POLR3E: variants seen among roughly 807,000 people sequenced by gnomAD.
POLR3E encodes RNA polymerase III subunit E.
In POLR3E, 41 loss-of-function variants were observed where a neutral mutation model predicts 96.6. The ratio of observed to expected loss-of-function variants is 0.42; its 90% CI spans 0.33 to 0.55. The LOEUF (loss-of-function observed/expected upper bound fraction) is 0.55, where lower values mean the gene tolerates loss of function less well. Ranked by LOEUF, POLR3E falls within the 20% of genes least tolerant of loss-of-function variation. The pLI is 0.06. For synonymous variants in POLR3E, 396 were observed against 383.6 expected (o/e 1.03, Z -0.38); for missense variants, 849 against 952.1 (o/e 0.89, Z 1.43).
chr16:22,332,299 C>G (rs2048757516), intron 20 of POLR3E, 114 bp downstream of exon 20: 10 of 904,958 alleles, frequency 1.1e-5, no homozygotes, highest in Non-Finnish European at 1.7e-5. Context: ...CTTGGGACCA[C>G]TCCCCAGTCA....
At chr16:22,305,036 C>T (rs1273684672) in intron 2 of POLR3E, 120 bp from the exon 3 acceptor site, 4 of 791,222 alleles carry the variant, frequency 5.1e-6, no homozygotes, top group African/African-American at 3.4e-5. Context: ...GCTATTTCCT[C>T]CTTCCCCAAA....
chr16:22,331,324 G>C (rs2048736053), intron 19 of POLR3E: 1 of 152,084 alleles, frequency 6.6e-6, no homozygotes, highest in Non-Finnish European at 1.5e-5. Flanking sequence ...TTTCAGAGTT[G>C]TTGAAATTCC....
chr16:22,332,262 G>A, intron 20 of POLR3E, 77 bp downstream of exon 20: 1 of 1,354,812 alleles, frequency 7.4e-7, no homozygotes, highest in Non-Finnish European at 1.0e-6. Context: ...GGACTCTAGT[G>A]TCTTTGTGTA....
chr16:22,324,753 G>C, intron 16 of POLR3E, 93 bp downstream of exon 16: 1 of 1,384,868 alleles, frequency 7.2e-7, no homozygotes, highest in Non-Finnish European at 1.0e-6. Flanking sequence ...GCAATCTCTA[G>C]AAACCCCACA....
intron 12 of POLR3E, among the ~76,000 whole-genome samples, chr16:22,317,638 T>TTG (rs1567320844): frequency 2.6e-5 from 4 of 151,112 alleles, no homozygotes; most frequent in African/African-American, 9.8e-5. Flanking sequence ...CTAGGGGCTT[T>TTG]TTGTTGTTGT....
At chr16:22,330,204 C>T (rs541749957) in intron 19 of POLR3E, among the ~76,000 whole-genome samples, 62 of 152,146 alleles carry the variant, frequency 4.1e-4, no homozygotes, top group Non-Finnish European at 8.4e-4. Flanking sequence ...GCTGGGATTA[C>T]GGGCTTGTGC....
At chr16:22,314,315 C>T (rs2048311627) in intron 8 of POLR3E, among the ~76,000 whole-genome samples, 187 bp downstream of exon 8, 1 of 152,146 alleles carries the variant, frequency 6.6e-6, no homozygotes, top group African/African-American at 2.4e-5. Flanking sequence ...GAAGCCCTGG[C>T]TGGATCCAGG....
At position 22,334,497 on chromosome 16, in the gene POLR3E, G is replaced by A. The variant is rs533127528; in HGVS notation, c.*797G>A. ...GGAAGGCGATCTTGTTGGGCTCAGC[G>A]TTACGTGTATCTAGAGGGAACGGAG... is the stretch of plus-strand genomic sequence containing the variant. On this transcript the variant is annotated 3_prime_UTR_variant, in exon 21 of 21. Coordinates refer to ENST00000299853, the MANE Select transcript of POLR3E (RefSeq NM_018119.4). The A allele has an allele frequency of 3.3e-5, 5 of 152,304 alleles. No individual in the cohort carries two copies. Among genetic ancestry groups the A allele is most frequent in the East Asian group, 3.8e-4 (2 of 5,196 alleles). The allele number at this position is 152,304 out of a possible 1,614,324, so 9.4% of individuals were successfully genotyped here.
chr16:22,303,639 C>CTTTTTTTTTTT (rs58949663), intron 2 of POLR3E, among the ~76,000 whole-genome samples: 9 of 114,228 alleles, frequency 7.9e-5, no homozygotes, highest in African/African-American at 2.9e-4. Context: ...GCAGATTTCC[C>CTTTTTTTTTTT]TTTTTTTTTT....
Position 22,308,937 on chromosome 16 carries a change from A to G in POLR3E, c.178A>G (p.Met60Val). Reference sequence around the variant, plus strand: ...TTGGTGCCTCCAGGTAGAGCTTGAGATGGCCATCGACACCCTGAACCCCAA... The same window carrying G: ...TTGGTGCCTCCAGGTAGAGCTTGAGGTGGCCATCGACACCCTGAACCCCAA... The part of the protein sequence containing the change: ...KPKQQKVELE[M>V]AIDTLNPNYC... Residue 60 changes from methionine to valine, a missense_variant, in exon 5 of 21, where the codon ATG (methionine) becomes GTG (valine). By Grantham distance (21) the Met-to-Val change is conservative (BLOSUM62 1). Transcript: ENST00000299853. The G allele has an allele frequency of 6.2e-7, 1 of 1,613,064 alleles. No individual in the cohort carries two copies. The highest frequency in any genetic ancestry group is 8.5e-7 in the Non-Finnish European group (1 of 1,179,206).
chr16:22,302,238 C>A (rs2048039008), intron 1 of POLR3E, among the ~76,000 whole-genome samples: 1 of 152,168 alleles, frequency 6.6e-6, no homozygotes, highest in Admixed American at 6.6e-5. Flanking sequence ...GTACCTGTCA[C>A]CTGAGGTCAG....
intron 20 of POLR3E, 136 bp from the exon 21 acceptor site, chr16:22,333,508 G>C: frequency 1.6e-6 from 1 of 635,104 alleles, no homozygotes. Flanking sequence ...TAGCCATGGT[G>C]GTATGGTTAG....
At chr16:22,309,803 A>G in intron 6 of POLR3E, 1 of 472,528 alleles carries the variant, frequency 2.1e-6, no homozygotes, top group South Asian at 2.7e-5. Flanking sequence ...TAGGGACAGA[A>G]TTTTGTCTTT....
rs1027307333 is a variant in POLR3E at position 22,322,623 on chromosome 16, G to A, written c.987-227G>A. Among the ~76,000 whole-genome samples the A allele has an allele frequency of 2.0e-5, 3 of 152,064 alleles. No individual in the cohort carries two copies. Among genetic ancestry groups the A allele is most frequent in the Non-Finnish European group, 2.9e-5 (2 of 68,002 alleles). ...TTAGGATGAGGCTGGTGTGCATGGC[G>A]GGTTGAGGGGTAATAAGAGGAAGAA... On this transcript the variant is annotated intron_variant, in intron 13 of 20. Coordinates refer to ENST00000299853, the MANE Select transcript of POLR3E (RefSeq NM_018119.4). This position sits in a 1 kb window ranked among gnomAD's most constrained non-coding sequence, Gnocchi z 5.2.
intron 13 of POLR3E, among the ~76,000 whole-genome samples, chr16:22,321,388 A>T (rs2048468575): frequency 6.6e-6 from 1 of 152,264 alleles, no homozygotes; most frequent in South Asian, 2.1e-4. Flanking sequence ...TGTAGAGTAT[A>T]TTCGTGTTAC....
chr16:22,317,605 A>G (rs2048383604), intron 12 of POLR3E, among the ~76,000 whole-genome samples: 1 of 151,356 alleles, frequency 6.6e-6, no homozygotes, highest in Non-Finnish European at 1.5e-5. Flanking sequence ...TCTAAAGTAC[A>G]GGGCCTTGCA....
At chr16:22,300,928 C>T (rs1201125409) in intron 1 of POLR3E, among the ~76,000 whole-genome samples, 1 of 152,162 alleles carries the variant, frequency 6.6e-6, no homozygotes, top group Non-Finnish European at 1.5e-5. Flanking sequence ...ACCAAAATCT[C>T]TGCCTTCACA....
chr16:22,314,733 G>A (rs2048318871), intron 8 of POLR3E, among the ~76,000 whole-genome samples: 1 of 152,140 alleles, frequency 6.6e-6, no homozygotes. Flanking sequence ...AGCTCATCCT[G>A]TTCTCTCCGT....
At chr16:22,332,385 C>A (rs1363550677) in intron 20 of POLR3E, among the ~76,000 whole-genome samples, 200 bp downstream of exon 20, 7 of 152,132 alleles carry the variant, frequency 4.6e-5, no homozygotes, top group Non-Finnish European at 1.0e-4. Context: ...AGAGGACTGA[C>A]CCCTTCAAAC....
Sources: gnomAD v4.1 joint callset for allele counts (sites outside exome capture counted in the v4.1 genomes callset) on GRCh38, gnomAD v4.1.1 for gene constraint, Gnocchi (gnomAD v3.1) non-coding constraint, MANE v1.5 for transcripts, NCBI Gene and HGNC (gene_info 2026-07-23, HGNC 2026-07-21) for gene names.